The following TRANK1 variants were observed in gnomAD, a reference collection of about 807,000 sequenced individuals.
The protein encoded by TRANK1 is tetratricopeptide repeat and ankyrin repeat containing 1, also known as TPR and ankyrin repeat-containing protein 1.
TRANK1 carries 198 observed loss-of-function variants against 266.0 expected under a neutral mutation model. That is an observed-to-expected ratio of 0.74 (90% CI 0.66 to 0.84). TRANK1 has a LOEUF of 0.84. TRANK1 is among the 40% of genes least tolerant of loss of function. TRANK1 has a pLI of 0.00. For missense variants in TRANK1, 3,326 were observed against 3,634.6 expected (o/e 0.92, Z 2.18); for synonymous variants, 1,396 against 1,384.1 (o/e 1.01, Z -0.19).
At chr3:36,845,884 A>G (rs1227658153) in intron 17 of TRANK1, among the ~76,000 whole-genome samples, 4 of 152,334 alleles carry the variant, frequency 2.6e-5, no homozygotes, top group Non-Finnish European at 4.4e-5. Flanking sequence ...TATCCCTACA[A>G]GTGGAACTGT....
intron 1 of TRANK1, 146 bp downstream of exon 1, chr3:36,944,641 C>T (rs2080546706): frequency 3.2e-6 from 3 of 943,578 alleles, no homozygotes; most frequent in Admixed American, 3.0e-5. Context: ...ACCTAGATGG[C>T]TGTGGGCCCC....
chr3:36,912,238 C>G lies in TRANK1; in HGVS notation c.24-3784G>C, dbSNP rs535651182. On this transcript the variant is annotated intron_variant, in intron 1 of 23. Transcript: ENST00000645898. ...TCAGCGTGACTCTATCTCTATTTTG[C>G]ACATAAGGAAAGTGAAGCAAAGACA... 2.6e-5 allele frequency among the ~76,000 whole-genome samples: 4 copies of G among 151,278 alleles called. No individual in the cohort carries two copies. In the South Asian group the frequency reaches 8.3e-4, roughly 32 times the overall value.
At chr3:36,899,601 G>C (rs1471909347) in intron 3 of TRANK1, among the ~76,000 whole-genome samples, 5 of 152,216 alleles carry the variant, frequency 3.3e-5, no homozygotes, top group African/African-American at 9.6e-5. Flanking sequence ...AGAGGCTACA[G>C]TGAGTTACAG....
intron 1 of TRANK1, among the ~76,000 whole-genome samples, chr3:36,944,490 C>T (rs1381884946): frequency 6.6e-6 from 1 of 152,196 alleles, no homozygotes; most frequent in Non-Finnish European, 1.5e-5. Context: ...GGCCCGAGAG[C>T]TGCGGCTTCG....
intron 16 of TRANK1, 30 bp from the exon 17 acceptor site, chr3:36,846,434 G>T (rs2078915888): frequency 6.3e-7 from 1 of 1,594,438 alleles, no homozygotes; most frequent in East Asian, 2.2e-5. Flanking sequence ...CAAAGATGAT[G>T]AGCCATTTGT....
intron 1 of TRANK1, among the ~76,000 whole-genome samples, chr3:36,941,877 G>T (rs1180662104): frequency 1.3e-5 from 2 of 152,108 alleles, no homozygotes; most frequent in African/African-American, 4.8e-5. Context: ...ATGAGCCTGC[G>T]GTCACTCTGA....
chr3:36,882,362 T>G (rs2079543550), intron 8 of TRANK1, among the ~76,000 whole-genome samples: 1 of 152,182 alleles, frequency 6.6e-6, no homozygotes, highest in Non-Finnish European at 1.5e-5. Flanking sequence ...GGCAAAGAGA[T>G]AAACAGAATA....
chr3:36,858,060 C>G lies in TRANK1; in HGVS notation c.1673-11G>C. 1 of 1,516,444 alleles carries G rather than the reference C, an allele frequency of 6.6e-7. No individual in the cohort carries two copies. The highest frequency in any genetic ancestry group is 1.4e-5 in the African/African-American group (1 of 73,092). The allele number at this position is 1,516,444 out of a possible 1,614,324, so 93.9% of individuals were successfully genotyped here. On this transcript the variant is annotated splice_polypyrimidine_tract_variant and intron_variant, in intron 12 of 23. Transcript: ENST00000645898. Reference sequence around the variant, plus strand: ...TAAAACCAATGTCAGCTGAAAGACACAAACAAAACCCTGTGAGCACTGAGC... The same window carrying G: ...TAAAACCAATGTCAGCTGAAAGACAGAAACAAAACCCTGTGAGCACTGAGC...
rs760022405 is a variant in TRANK1, at chr3:36,832,088, C to T, written c.7495G>A (p.Glu2499Lys). The change falls in exon 22 of 24, where the codon GAG becomes AAG. Residue 2499 changes from glutamate (E) to lysine (K), a missense_variant. By Grantham distance (56) the Glu-to-Lys change is moderately conservative. Transcript: ENST00000645898. ...WEFLFSKKDK[E>K]LGDVFSIIQE... ...ATGATGGAGAACACATCCCCAAGCT[C>T]CTTGTCCTTCTTGCTAAACAGGAAC... 5.6e-6 allele frequency: 9 copies of T among 1,614,022 alleles called. No homozygotes were observed. In the South Asian group the frequency reaches 8.8e-5, roughly 16 times the overall value.
intron 1 of TRANK1, among the ~76,000 whole-genome samples, chr3:36,943,085 C>T (rs542320747): frequency 6.6e-6 from 1 of 151,648 alleles, no homozygotes; most frequent in Admixed American, 6.6e-5. Context: ...CCAGCTATTT[C>T]GGAGGCTGCG....
At chr3:36,908,639 CT>C in intron 1 of TRANK1, 185 bp from the exon 2 acceptor site, 2 of 1,225,754 alleles carry the variant, frequency 1.6e-6, no homozygotes, top group Non-Finnish European at 2.0e-6. Flanking sequence ...AAGACTATTT[CT>C]TTGTCAGTTC....
chr3:36,885,184 C>G (rs561990775), intron 8 of TRANK1, among the ~76,000 whole-genome samples: 15 of 152,180 alleles, frequency 9.9e-5, no homozygotes, highest in Non-Finnish European at 2.2e-4. Flanking sequence ...CACAAATAAT[C>G]AAGGTTAACA....
chr3:36,878,530 T>A (rs2079423202), intron 8 of TRANK1, among the ~76,000 whole-genome samples: 1 of 152,084 alleles, frequency 6.6e-6, no homozygotes, highest in Non-Finnish European at 1.5e-5. Context: ...TCAACTTACA[T>A]GTTCTTACCT....
In TRANK1 at chr3:36,832,554, G is replaced by A. The variant is rs771258342; in HGVS notation, c.7029C>T (p.Tyr2343=). Residue 2343 remains tyrosine, a synonymous_variant, in exon 22 of 24, where the codon TAC becomes TAT. Transcript: ENST00000645898. ...AMQAFLLSSN[Y]PEEFEKLLHQ... ...GGAGCAGCTTTTCAAACTCCTCCGG[G>A]TAGTTGGAAGAGAGAAGGAAAGCTT... 5.0e-6 allele frequency: 8 copies of A among 1,613,886 alleles called. No homozygotes were observed. Among genetic ancestry groups the A allele is most frequent in the African/African-American group, 4.0e-5 (3 of 74,922 alleles).
chr3:36,929,896 T>C (rs1039926371), intron 1 of TRANK1, among the ~76,000 whole-genome samples: 2 of 151,790 alleles, frequency 1.3e-5, no homozygotes, highest in Admixed American at 1.3e-4. Context: ...GTTGTTGTTG[T>C]TGTTGTTGTT....
At chr3:36,847,795 G>A in intron 15 of TRANK1, among the ~76,000 whole-genome samples, 1 of 152,216 alleles carries the variant, frequency 6.6e-6, no homozygotes, top group East Asian at 1.9e-4. Flanking sequence ...GTGCTATGGT[G>A]TGCAAGGTAG....
chr3:36,834,835 G>C lies in TRANK1; in HGVS notation c.5590C>G (p.Gln1864Glu). ...ATTTTGAGTGCTAGATCAAATTCCT[G>C]AATCTGCTCAAAGCATCTGAAAGCG... Reference protein sequence around the residue: ...KDAFRCFEQIQEFDLALKMYC... With the variant: ...KDAFRCFEQIEEFDLALKMYC... The change falls in exon 21 of 24, where the codon CAG becomes GAG. Residue 1864 changes from glutamine (Q) to glutamate (E), a missense_variant. Gln to Glu is a conservative substitution (Grantham distance 29, BLOSUM62 2). Transcript: ENST00000645898. The C allele has an allele frequency of 6.2e-7, 1 of 1,613,674 alleles. No homozygotes were observed. Among genetic ancestry groups the C allele is most frequent in the Non-Finnish European group, 8.5e-7 (1 of 1,179,818 alleles).
intron 1 of TRANK1, among the ~76,000 whole-genome samples, chr3:36,927,563 T>C (rs956451401): frequency 6.6e-6 from 1 of 152,174 alleles, no homozygotes; most frequent in Non-Finnish European, 1.5e-5. Flanking sequence ...GGCAAGACTT[T>C]GTCTCCTGGC....
chr3:36,850,846 A>G (rs2078976226), intron 15 of TRANK1: 10 of 985,338 alleles, frequency 1.0e-5, no homozygotes, highest in African/African-American at 1.7e-5. Context: ...GTTAAAGCCA[A>G]CAGTGCTCTT....
Sources: allele counts gnomAD v4.1 joint callset (sites outside exome capture counted in the v4.1 genomes callset), GRCh38; gene constraint gnomAD v4.1.1; transcripts MANE v1.5; gene names NCBI Gene and HGNC (gene_info 2026-07-23, HGNC 2026-07-21).